EVI5L: variants seen among roughly 807,000 people sequenced by gnomAD.
The protein encoded by EVI5L is ecotropic viral integration site 5 like.
EVI5L carries 30 observed loss-of-function variants against 106.1 expected under a neutral mutation model. The ratio of observed to expected loss-of-function variants is 0.28; its 90% CI spans 0.21 to 0.38. EVI5L has a LOEUF of 0.38. Among genes scored for constraint, EVI5L ranks in the 10% least tolerant of loss-of-function variants. The probability of loss-of-function intolerance (pLI) is 1.00; values close to 1 mark genes in which losing one functional copy is unlikely to be tolerated. For synonymous variants in EVI5L, 489 were observed against 483.3 expected, an observed-to-expected ratio of 1.01 and a Z score of -0.15; for missense variants, 809 against 1,098.0, an observed-to-expected ratio of 0.74 and a Z score of 3.72.
chr19:7,853,792 T>C (rs1270526182), intron 10 of EVI5L, among the ~76,000 whole-genome samples: 2 of 152,106 alleles, frequency 1.3e-5, no homozygotes, highest in Non-Finnish European at 2.9e-5. Context: ...GACCGCCCTC[T>C]GGGGAAAGAT....
intron 1 of EVI5L, among the ~76,000 whole-genome samples, chr19:7,839,305 TA>T (rs56135044): frequency 1.0e-3 from 146 of 143,538 alleles, no homozygotes; most frequent in Admixed American, 9.7e-4. Flanking sequence ...TCCATCCATC[TA>T]AAAAAAAAAA....
At chr19:7,851,823 G>C in intron 8 of EVI5L, 53 bp downstream of exon 8, 2 of 1,441,792 alleles carry the variant, frequency 1.4e-6, no homozygotes, top group Non-Finnish European at 1.8e-6. Flanking sequence ...GGGGCTTCGA[G>C]TCACAGGATG....
intron 1 of EVI5L, among the ~76,000 whole-genome samples, chr19:7,841,317 GAGGGACCC>G (rs912900189): frequency 1.3e-5 from 2 of 152,114 alleles, no homozygotes; most frequent in Non-Finnish European, 2.9e-5. Context: ...CAAGGCCAAG[GAGGGACCC>G]AGGGAGGAAG....
intron 1 of EVI5L, among the ~76,000 whole-genome samples, chr19:7,838,107 T>G (rs1188983186): frequency 6.6e-6 from 1 of 151,748 alleles, no homozygotes; most frequent in Non-Finnish European, 1.5e-5. Flanking sequence ...TTTTTTTTGT[T>G]TTGTTTTGTT....
At chr19:7,846,118 G>C (rs1009981289) in intron 1 of EVI5L, among the ~76,000 whole-genome samples, 3 of 152,190 alleles carry the variant, frequency 2.0e-5, no homozygotes, top group Non-Finnish European at 4.4e-5. Context: ...CCTGCACCCC[G>C]AGGTCCCAGC....
At position 7,848,422 on chromosome 19, in the gene EVI5L, C is replaced by T. The variant is rs1599568928; in HGVS notation, c.328-499C>T. On this transcript the variant is annotated intron_variant, in intron 3 of 19. Transcript: ENST00000538904. The surrounding 1 kb of genome is among the most constrained non-coding windows in gnomAD (Gnocchi z 4.8). ...GACCAGCCTGGCCAACATGGCGAAA[C>T]TCCGACTCTACTAAAAATACAAAAA... is the stretch of plus-strand genomic sequence containing the variant. Among the ~76,000 whole-genome samples the T allele has an allele frequency of 6.6e-6, 1 of 152,268 alleles. No individual in the cohort carries two copies. The highest frequency in any genetic ancestry group is 1.9e-4 in the East Asian group (1 of 5,176).
intron 1 of EVI5L, among the ~76,000 whole-genome samples, chr19:7,846,146 G>A (rs901635010): frequency 5.9e-5 from 9 of 152,206 alleles, no homozygotes; most frequent in Non-Finnish European, 1.0e-4. Flanking sequence ...ATGGAGCCCC[G>A]AGTGACAGGG....
chr19:7,857,229 G>A lies in EVI5L; in HGVS notation c.1233+105G>A. 1.4e-6 allele frequency: 2 copies of A among 1,469,132 alleles called. No homozygotes were observed. Among genetic ancestry groups the A allele is most frequent in the South Asian group, 2.4e-5 (2 of 82,314 alleles). 91.0% of individuals were successfully genotyped at this position (1,469,132 alleles called of 1,614,324 possible). Reference sequence around the variant, plus strand: ...CTCTTCCCTGCCATTCTGCGGGCAGGCCTGGCGCCATGCATGGAGCAGCTG... The same window carrying A: ...CTCTTCCCTGCCATTCTGCGGGCAGACCTGGCGCCATGCATGGAGCAGCTG... On this transcript the variant is annotated intron_variant, in intron 12 of 19. Coordinates refer to ENST00000538904, the MANE Select transcript of EVI5L (RefSeq NM_001159944.3). The surrounding 1 kb of genome is among the most constrained non-coding windows in gnomAD (Gnocchi z 4.5).
chr19:7,847,612 G>A lies in EVI5L; in HGVS notation c.138-120G>A, dbSNP rs2146423777. 3 of 961,940 alleles carry A rather than the reference G, an allele frequency of 3.1e-6. No homozygotes were observed. In the East Asian group the frequency reaches 7.8e-5, roughly 25 times the overall value. 59.6% of individuals were successfully genotyped at this position (961,940 alleles called of 1,614,324 possible). A position where few individuals can be genotyped will look rare whatever the true frequency, so the allele number is the denominator to read the frequency against. On this transcript the variant is annotated intron_variant, in intron 2 of 19. Transcript: ENST00000538904. ...AAGAAGAAGAAAAAAAAAAGAACAAGAGGGACCTAATCCCTGGTGTCCTCT... is the reference window on the plus strand; with the variant it reads ...AAGAAGAAGAAAAAAAAAAGAACAAAAGGGACCTAATCCCTGGTGTCCTCT...
chr19:7,856,771 T>G lies in EVI5L; in HGVS notation c.1201-321T>G, dbSNP rs1041820852. The stretch of plus-strand genomic sequence containing the variant: ...CAAAAGTCCCCCTGCCCCCCACAGT[T>G]TTTCCAGCCAGCAGCGGCCCGGCTG... On this transcript the variant is annotated intron_variant, in intron 11 of 19. Coordinates refer to ENST00000538904, the MANE Select transcript of EVI5L (RefSeq NM_001159944.3). The surrounding 1 kb of genome is among the most constrained non-coding windows in gnomAD (Gnocchi z 6.6). Among the ~76,000 whole-genome samples, 2 of 151,914 alleles carry G rather than the reference T, an allele frequency of 1.3e-5. No individual in the cohort carries two copies. Among genetic ancestry groups the G allele is most frequent in the Non-Finnish European group, 2.9e-5 (2 of 67,952 alleles).
In EVI5L at chr19:7,863,066, A is replaced by G. The variant is rs1442420626; in HGVS notation, c.2042A>G (p.Gln681Arg). The change falls in exon 18 of 20, where the codon CAG becomes CGG. Residue 681 changes from glutamine (Q) to arginine (R), a missense_variant and splice_region_variant. Gln to Arg is a conservative substitution (Grantham distance 43). Transcript: ENST00000538904. This position sits in a 1 kb window ranked among gnomAD's most constrained non-coding sequence, Gnocchi z 7.7. ...MRQRIAELEI[Q>R]REEGRIQGQL... ...CAGCGCATTGCCGAGCTGGAGATCC[A>G]GGTGATCGGCGGGGCCGGGGTCGGG... is the stretch of plus-strand genomic sequence containing the variant. The G allele has an allele frequency of 7.3e-7, 1 of 1,374,918 alleles. No homozygotes were observed. The highest frequency in any genetic ancestry group is 1.0e-6 in the Non-Finnish European group (1 of 999,044). The allele number at this position is 1,374,918 out of a possible 1,614,324, so 85.2% of individuals were successfully genotyped here. A position where few individuals can be genotyped will look rare whatever the true frequency, so the allele number is the denominator to read the frequency against.
chr19:7,838,071 G>T (rs1341343018), intron 1 of EVI5L, among the ~76,000 whole-genome samples: 3 of 98,578 alleles, frequency 3.0e-5, no homozygotes, highest in Non-Finnish European at 6.6e-5. Context: ...GATCTGTCTG[G>T]TGTGTTTATT....
In EVI5L at chr19:7,853,194, G is replaced by T. The variant is rs1470868250; in HGVS notation, c.1085+11G>T. ...CAAGAAGATGAAGAGGTCGGTGCCTGCTGGGCAACCAGGGTACTGGTAAGA... is the reference window on the plus strand; with the variant it reads ...CAAGAAGATGAAGAGGTCGGTGCCTTCTGGGCAACCAGGGTACTGGTAAGA... On this transcript the variant is annotated intron_variant, in intron 9 of 19. Transcript: ENST00000538904. 1 of 1,614,072 alleles carries T rather than the reference G, an allele frequency of 6.2e-7. No individual in the cohort carries two copies. The highest frequency in any genetic ancestry group is 2.2e-5 in the East Asian group (1 of 44,876).
chr19:7,846,349 TG>T, intron 1 of EVI5L, 146 bp from the exon 2 acceptor site: 1 of 646,548 alleles, frequency 1.5e-6, no homozygotes, highest in Non-Finnish European at 2.5e-6. Context: ...GGCTGTCAGC[TG>T]GGCTGGGGCG....
chr19:7,843,433 AGT>A (rs149357850), intron 1 of EVI5L, among the ~76,000 whole-genome samples: 17,881 of 106,888 alleles, frequency 0.17, 2,094 homozygotes, highest in Non-Finnish European at 0.22. Context: ...GTGTGTCGAG[AGT>A]GTGTGTGTAT....
chr19:7,848,836 C>A lies in EVI5L; in HGVS notation c.328-85C>A. On this transcript the variant is annotated intron_variant, in intron 3 of 19. Coordinates refer to ENST00000538904, the MANE Select transcript of EVI5L (RefSeq NM_001159944.3). This position sits in a 1 kb window ranked among gnomAD's most constrained non-coding sequence, Gnocchi z 4.8. The stretch of plus-strand genomic sequence containing the variant: ...GTGCCATGCTTGAGGCCTGGATGAG[C>A]CACGCCTGAGGAGCTGGGCTGGGTG... The A allele has an allele frequency of 7.5e-7, 1 of 1,332,452 alleles. No homozygotes were observed. The highest frequency in any genetic ancestry group is 1.0e-6 in the Non-Finnish European group (1 of 958,566). 82.5% of individuals were successfully genotyped at this position (1,332,452 alleles called of 1,614,324 possible). A position where few individuals can be genotyped will look rare whatever the true frequency, so the allele number is the denominator to read the frequency against.
rs571838736 is a variant in EVI5L at position 7,856,311 on chromosome 19, C to T, written c.1200+243C>T. ...GTTACAACCCAGTGGCCTGCAGCCA[C>T]GGGAATCCATTTGTGTTCTGTGCCC... On this transcript the variant is annotated intron_variant, in intron 11 of 19. Transcript: ENST00000538904. The surrounding 1 kb of genome is among the most constrained non-coding windows in gnomAD (Gnocchi z 6.6). Among the ~76,000 whole-genome samples, 7 of 152,196 alleles carry T rather than the reference C, an allele frequency of 4.6e-5. 1 individual carries two copies. The highest frequency in any genetic ancestry group is 2.6e-4 in the Admixed American group (4 of 15,288).
At chr19:7,860,787 C>T in intron 14 of EVI5L, 98 bp downstream of exon 14, 3 of 1,324,862 alleles carry the variant, frequency 2.3e-6, no homozygotes, top group Non-Finnish European at 3.0e-6. Flanking sequence ...CAGAATCCCC[C>T]ACCCCCATGC....
intron 10 of EVI5L, 131 bp downstream of exon 10, chr19:7,853,464 C>G (rs1186771146): frequency 1.4e-5 from 18 of 1,249,574 alleles, no homozygotes; most frequent in Non-Finnish European, 1.9e-5. Context: ...CCTTGGCGGA[C>G]AGGCCTCCGC....
Sources: allele counts gnomAD v4.1 joint callset (sites outside exome capture counted in the v4.1 genomes callset), GRCh38; gene constraint gnomAD v4.1.1; non-coding constraint Gnocchi (gnomAD v3.1); transcripts MANE v1.5; gene names NCBI Gene and HGNC (gene_info 2026-07-23, HGNC 2026-07-21).